BTG4: variants seen among roughly 807,000 people sequenced by gnomAD.
BTG4 encodes the protein BTG anti-proliferation factor 4.
A neutral mutation model predicts 19.3 loss-of-function variants in BTG4; 10 were observed. That is an observed-to-expected ratio of 0.52 (90% CI 0.32 to 0.88). The LOEUF (loss-of-function observed/expected upper bound fraction) is 0.88. Ranked by LOEUF, BTG4 falls within the 40% of genes least tolerant of loss-of-function variation. The pLI is 0.04. For synonymous variants in BTG4, 91 were observed against 95.7 expected (o/e 0.95, Z 0.29); for missense variants, 238 against 281.9 (o/e 0.84, Z 1.11).
At chr11:111,426,336 C>A in the BTG4 span, among the ~76,000 whole-genome samples, 1 of 152,196 alleles carries the variant, frequency 6.6e-6, no homozygotes, top group East Asian at 1.9e-4. Flanking sequence ...TGTATAGATC[C>A]TCCTGGCAGA....
intron 5 of BTG4, among the ~76,000 whole-genome samples, chr11:111,469,615 C>T (rs1242468875): frequency 6.6e-6 from 1 of 152,178 alleles, no homozygotes; most frequent in Non-Finnish European, 1.5e-5. Flanking sequence ...TAACAGTTCA[C>T]ACATAAACTG....
the BTG4 span, among the ~76,000 whole-genome samples, chr11:111,413,377 T>C: frequency 6.6e-6 from 1 of 152,244 alleles, no homozygotes; most frequent in East Asian, 1.9e-4. Context: ...GTGATCGGAA[T>C]GCACACGCCG....
chr11:111,442,149 A>G, the BTG4 span, among the ~76,000 whole-genome samples: 5 of 152,240 alleles, frequency 3.3e-5, no homozygotes, highest in East Asian at 9.7e-4. Flanking sequence ...ACATTCTCCA[A>G]TAAAAAGGAA....
the BTG4 span, among the ~76,000 whole-genome samples, chr11:111,443,612 G>C: frequency 1.3e-5 from 2 of 152,142 alleles, no homozygotes; most frequent in Non-Finnish European, 2.9e-5. Flanking sequence ...AGAGACAAAA[G>C]GGACTTTGGG....
chr11:111,436,245 T>A, the BTG4 span, among the ~76,000 whole-genome samples: 2 of 152,134 alleles, frequency 1.3e-5, no homozygotes, highest in South Asian at 4.1e-4. Flanking sequence ...ATTATCTGAA[T>A]TTGGTGATCA....
chr11:111,440,725 C>G, the BTG4 span, among the ~76,000 whole-genome samples: 1 of 152,214 alleles, frequency 6.6e-6, no homozygotes, highest in Non-Finnish European at 1.5e-5. Flanking sequence ...AGTGCTGAGG[C>G]GAAGATGCTG....
At chr11:111,501,994 T>C (rs1022327930) in intron 1 of BTG4, among the ~76,000 whole-genome samples, 1 of 152,192 alleles carries the variant, frequency 6.6e-6, no homozygotes, top group Non-Finnish European at 1.5e-5. Flanking sequence ...TCCAAATCCA[T>C]AGTATCTTGT....
chr11:111,466,405 T>C (rs1421941990), downstream of BTG4, among the ~76,000 whole-genome samples: 1 of 152,228 alleles, frequency 6.6e-6, no homozygotes, highest in Non-Finnish European at 1.5e-5. Context: ...TTCTATGTAC[T>C]AGACACTGTT....
chr11:111,444,436 T>C, the BTG4 span, among the ~76,000 whole-genome samples: 1 of 151,868 alleles, frequency 6.6e-6, no homozygotes, highest in East Asian at 1.9e-4. Context: ...AGAAGGATGG[T>C]TACCCGATGC....
the BTG4 span, chr11:111,454,318 T>A: frequency 2.2e-6 from 1 of 456,210 alleles, no homozygotes; most frequent in Non-Finnish European, 4.4e-6. Flanking sequence ...TCAGGCAGTC[T>A]CTGTCAGTGA....
chr11:111,396,984 CAT>C, the BTG4 span: 1 of 152,220 alleles, frequency 6.6e-6, no homozygotes, highest in East Asian at 1.9e-4. Context: ...GTGTCGAGAA[CAT>C]ATAAACTCTG....
chr11:111,399,575 A>G, the BTG4 span, among the ~76,000 whole-genome samples: 2 of 152,024 alleles, frequency 1.3e-5, no homozygotes, highest in Non-Finnish European at 2.9e-5. Context: ...TTCCTGTTTC[A>G]CCTCCCAAAT....
chr11:111,505,561 A>G (rs942228147), intron 1 of BTG4, among the ~76,000 whole-genome samples: 1 of 152,138 alleles, frequency 6.6e-6, no homozygotes, highest in African/African-American at 2.4e-5. Flanking sequence ...CCTTATGGAC[A>G]TCGGCTTAGG....
chr11:111,504,149 T>G (rs1385413695), intron 1 of BTG4, among the ~76,000 whole-genome samples: 1 of 152,092 alleles, frequency 6.6e-6, no homozygotes, highest in Non-Finnish European at 1.5e-5. Context: ...GGGAAAGGTA[T>G]AGATGTTTTA....
rs1371748597 is a variant in BTG4 at position 111,495,311 on chromosome 11, C to G, written c.514G>C (p.Glu172Gln). 6.2e-7 allele frequency: 1 copy of G among 1,604,574 alleles called. No individual in the cohort carries two copies. Among genetic ancestry groups the G allele is most frequent in the African/African-American group, 1.4e-5 (1 of 73,926 alleles). Residue 172 changes from glutamate (E) to glutamine (Q), a missense_variant, in exon 5 of 5, where the codon GAA becomes CAA. Glu to Gln is a conservative substitution (Grantham distance 29). Coordinates refer to ENST00000692032, the MANE Select transcript of BTG4 (RefSeq NM_001367975.1). ...GATTGAAAGGGCTGTTTCAAGTTTTCAACCTGGAAAAAAAAAGTATAAAGA... is the reference window on the plus strand; with the variant it reads ...GATTGAAAGGGCTGTTTCAAGTTTTGAACCTGGAAAAAAAAAGTATAAAGA... ...VSNPKSIYQV[E>Q]NLKQPFQSWL...
chr11:111,438,354 C>G, the BTG4 span, among the ~76,000 whole-genome samples: 1 of 152,258 alleles, frequency 6.6e-6, no homozygotes, highest in East Asian at 1.9e-4. Context: ...AGCCAGGGCA[C>G]ACAGCCAGCC....
chr11:111,497,171 A>G (rs763617592), intron 4 of BTG4, 40 bp downstream of exon 4: 1 of 1,547,764 alleles, frequency 6.5e-7, no homozygotes, highest in Non-Finnish European at 8.8e-7. Context: ...TTAGAATTAG[A>G]TAGAAAAAAA....
chr11:111,493,819 G>GA (rs986549387), downstream of BTG4, among the ~76,000 whole-genome samples: 5 of 151,486 alleles, frequency 3.3e-5, no homozygotes, highest in Admixed American at 6.6e-5. Flanking sequence ...ATCGTTTCTA[G>GA]AAAAAAAAGA....
chr11:111,442,544 ACC>A, the BTG4 span, among the ~76,000 whole-genome samples: 560 of 146,620 alleles, frequency 3.8e-3, 2 homozygotes, highest in African/African-American at 9.5e-3. Context: ...ACACACACAC[ACC>A]AGATGAGCCT....
Sources: allele counts gnomAD v4.1 joint callset (sites outside exome capture counted in the v4.1 genomes callset), GRCh38; gene constraint gnomAD v4.1.1; transcripts MANE v1.5; gene names NCBI Gene and HGNC (gene_info 2026-07-23, HGNC 2026-07-21).